Variants in IQSEC2 observed in about 807,000 individuals in gnomAD.
IQSEC2 encodes the protein IQ motif and Sec7 domain ArfGEF 2.
Under a neutral mutation model 74.6 loss-of-function variants are expected in IQSEC2, and 6 were observed. The observed-to-expected ratio is 0.08, with a 90% CI of 0.04 to 0.16. The LOEUF (loss-of-function observed/expected upper bound fraction) is 0.16. Among genes scored for constraint, IQSEC2 ranks in the 10% least tolerant of loss-of-function variants. The probability of loss-of-function intolerance (pLI) is 1.00; values close to 1 mark genes in which losing one functional copy is unlikely to be tolerated. For synonymous variants in IQSEC2, 494 were observed against 544.5 expected (o/e 0.91, Z 1.29); for missense variants, 734 against 1,306.2 (o/e 0.56, Z 6.75).
intron 2 of IQSEC2, among the ~76,000 whole-genome samples, chrX:53,283,355 C>T (rs868932351): frequency 8.9e-6 from 1 of 112,371 alleles, no homozygotes. Flanking sequence ...AGTCCTTGCC[C>T]TATCACTTTT....
chrX:53,267,179 G>T (rs1413167625), intron 2 of IQSEC2: 1 of 1,041,917 alleles, frequency 9.6e-7, no homozygotes, highest in African/African-American at 1.9e-5. Context: ...GAACCAGAAG[G>T]TGGGACGAGA....
intron 1 of IQSEC2, among the ~76,000 whole-genome samples, chrX:53,316,854 GA>G (rs1370409581): frequency 3.8e-5 from 4 of 105,146 alleles, no homozygotes; most frequent in African/African-American, 1.4e-4. Flanking sequence ...AAAAGAAAAA[GA>G]AAAAAAACAC....
intron 2 of IQSEC2, among the ~76,000 whole-genome samples, chrX:53,286,939 CAAAAAAA>C (rs11464309): frequency 3.4e-5 from 2 of 58,455 alleles, no homozygotes; most frequent in Non-Finnish European, 5.7e-5. Flanking sequence ...GTATCCGGCT[CAAAAAAA>C]AAAAAAAAAA....
chrX:53,316,695 C>G (rs1251581941), intron 1 of IQSEC2, among the ~76,000 whole-genome samples: 4 of 110,664 alleles, frequency 3.6e-5, no homozygotes, highest in Non-Finnish European at 7.6e-5. Context: ...GAAGGGCCAG[C>G]CTGGTGTTCC....
At chrX:53,243,546 A>G (rs1420909748) in intron 8 of IQSEC2, 75 bp from the exon 9 acceptor site, 1 of 1,090,329 alleles carries the variant, frequency 9.2e-7, no homozygotes, top group Non-Finnish European at 1.2e-6. Context: ...CACCACCCCC[A>G]CACCCAGGCA....
chrX:53,235,719 C>T, intron 14 of IQSEC2, 64 bp downstream of exon 14: 1 of 1,116,650 alleles, frequency 9.0e-7, no homozygotes, highest in Admixed American at 2.6e-5. Context: ...CCCTCCTCCT[C>T]TGGGTCTCCA....
intron 2 of IQSEC2, among the ~76,000 whole-genome samples, chrX:53,280,359 G>C (rs782510950): frequency 6.1e-4 from 68 of 111,106 alleles, no homozygotes; most frequent in Non-Finnish European, 7.0e-4. Flanking sequence ...GAGGGAGAGA[G>C]ATAGAGAGAA....
chrX:53,268,354 C>T (rs1162128971), intron 2 of IQSEC2, among the ~76,000 whole-genome samples: 1 of 111,394 alleles, frequency 9.0e-6, no homozygotes, highest in African/African-American at 3.3e-5. Context: ...ACACGCCTTT[C>T]TCAGACTCAG....
chrX:53,228,498 G>T (rs782195250), downstream of IQSEC2, among the ~76,000 whole-genome samples: 1 of 111,719 alleles, frequency 9.0e-6, no homozygotes, highest in Non-Finnish European at 1.9e-5. Flanking sequence ...CATCCACCCG[G>T]GAGACAGGGT....
chrX:53,305,174 C>T (rs1556876323), intron 1 of IQSEC2, among the ~76,000 whole-genome samples: 1 of 109,002 alleles, frequency 9.2e-6, no homozygotes, highest in African/African-American at 3.4e-5. Flanking sequence ...CTGCCTCAGC[C>T]TCCCAAAGTG....
intron 2 of IQSEC2, among the ~76,000 whole-genome samples, chrX:53,285,791 G>A (rs2075020035): frequency 8.9e-6 from 1 of 112,677 alleles, no homozygotes; most frequent in Admixed American, 9.3e-5. Flanking sequence ...GGAGGTGATG[G>A]GAAGCCCCTA....
intron 1 of IQSEC2, among the ~76,000 whole-genome samples, chrX:53,304,496 TAAA>T (rs1252068496): frequency 8.9e-6 from 1 of 112,373 alleles, no homozygotes; most frequent in Non-Finnish European, 1.9e-5. Context: ...TCTGGGATGA[TAAA>T]AATGATGTTG....
intron 1 of IQSEC2, among the ~76,000 whole-genome samples, chrX:53,300,896 A>G (rs2075204722): frequency 9.0e-6 from 1 of 111,674 alleles, no homozygotes; most frequent in South Asian, 3.7e-4. Flanking sequence ...ATGCAATGAC[A>G]TGGGAAATGC....
intron 2 of IQSEC2, among the ~76,000 whole-genome samples, chrX:53,272,462 T>C (rs1445146098): frequency 1.8e-5 from 2 of 111,855 alleles, no homozygotes; most frequent in African/African-American, 6.5e-5. Flanking sequence ...TTGAGTCCTG[T>C]TTAACAGATA....
At chrX:53,250,088 G>A (rs34759420) in intron 5 of IQSEC2, among the ~76,000 whole-genome samples, 191 bp downstream of exon 5, 1 of 111,650 alleles carries the variant, frequency 9.0e-6, no homozygotes, top group African/African-American at 3.3e-5. Flanking sequence ...CCCGAGCCCA[G>A]GTGTGTTAAG....
intron 1 of IQSEC2, among the ~76,000 whole-genome samples, chrX:53,296,852 G>A (rs375994965): frequency 2.3e-4 from 26 of 111,626 alleles, no homozygotes; most frequent in East Asian, 2.0e-3. Flanking sequence ...GTGAGCCACC[G>A]TACCCAGCCT....
At chrX:53,312,756 G>A (rs2075333946) in intron 1 of IQSEC2, among the ~76,000 whole-genome samples, 1 of 112,023 alleles carries the variant, frequency 8.9e-6, no homozygotes, top group Admixed American at 9.5e-5. Flanking sequence ...GAAAATGTGG[G>A]GGAAGAGCCA....
intron 2 of IQSEC2, among the ~76,000 whole-genome samples, chrX:53,263,632 A>AC (rs111478532): frequency 0.088 from 9,516 of 107,946 alleles, 1,007 homozygotes; most frequent in African/African-American, 0.31. Flanking sequence ...TCTCCCCTTC[A>AC]CCCCCCGACT....
intron 1 of IQSEC2, among the ~76,000 whole-genome samples, chrX:53,314,734 G>A (rs2075352806): frequency 8.9e-6 from 1 of 112,045 alleles, no homozygotes; most frequent in Admixed American, 9.5e-5. Flanking sequence ...CAGGGCAGGC[G>A]GAGGAGTTCT....
Sources: gnomAD v4.1 joint callset for allele counts (sites outside exome capture counted in the v4.1 genomes callset) on GRCh38, gnomAD v4.1.1 for gene constraint, MANE v1.5 for transcripts, NCBI Gene and HGNC (gene_info 2026-07-23, HGNC 2026-07-21) for gene names.